Variants in TRAPPC8 observed in about 807,000 individuals in gnomAD.
The protein encoded by TRAPPC8 is general sporulation gene 1 homolog.
TRAPPC8 carries 54 observed loss-of-function variants against 174.3 expected under a neutral mutation model. That is an observed-to-expected ratio of 0.31 (90% CI 0.25 to 0.39). The LOEUF is 0.39. Ranked by LOEUF, TRAPPC8 falls within the 10% of genes least tolerant of loss-of-function variation. TRAPPC8 has a pLI of 1.00. For missense variants in TRAPPC8, 1,531 were observed against 1,699.1 expected (o/e 0.90, Z 1.74); for synonymous variants, 630 against 579.9 (o/e 1.09, Z -1.24).
chr18:31,867,507 C>G lies in TRAPPC8; in HGVS notation c.2389-31G>C, dbSNP rs377625889. ...AAATAAATTTCATAAATTATACATT[C>G]CAATGAACAAAGTATCAGATTATTA... is the stretch of plus-strand genomic sequence containing the variant. On this transcript the variant is annotated intron_variant, in intron 16 of 28. Transcript: ENST00000283351. 10 of 1,382,422 alleles carry G rather than the reference C, an allele frequency of 7.2e-6. No individual in the cohort carries two copies. In the African/African-American group the frequency reaches 1.3e-4, roughly 18 times the overall value. 85.6% of individuals were successfully genotyped at this position (1,382,422 alleles called of 1,614,324 possible). A position where few individuals can be genotyped will look rare whatever the true frequency, so the allele number is the denominator to read the frequency against.
At position 31,829,781 on chromosome 18, in the gene TRAPPC8, CCTT is replaced by C. The variant is rs2032251694; in HGVS notation, c.*971_*973del. ...CCCACTCCTACACCCTGTCTTCCCT[CCTT>C]CTCCAATGACAAGAGATATTCATTG... On this transcript the variant is annotated 3_prime_UTR_variant, in exon 29 of 29. Transcript: ENST00000283351. 2 of 152,506 alleles carry C rather than the reference CCTT, an allele frequency of 1.3e-5. No homozygotes were observed. Among genetic ancestry groups the C allele is most frequent in the South Asian group, 2.1e-4 (1 of 4,826 alleles). The allele number at this position is 152,506 out of a possible 1,614,324, so 9.4% of individuals were successfully genotyped here.
rs761573967 is a variant in TRAPPC8, at chr18:31,841,536, TA to T, written c.3838-2080del. On this transcript the variant is annotated intron_variant, in intron 26 of 28. Coordinates refer to ENST00000283351, the MANE Select transcript of TRAPPC8 (RefSeq NM_014939.5). ...AAGAGGAAAATTAATTCAGAAACGT[TA>T]AAAAAAAACTGAAGATCTTTTTTAA... Among the ~76,000 whole-genome samples the T allele has an allele frequency of 2.2e-4, 33 of 151,352 alleles. 1 individual carries two copies. The highest frequency in any genetic ancestry group is 1.0e-3 in the South Asian group (5 of 4,796).
At position 31,831,008 on chromosome 18, in the gene TRAPPC8, G is replaced by A. The variant is rs1568022766; in HGVS notation, c.4074-19C>T. ...TTCTGGACTAAGGGAGGAGGAAAAT[G>A]TAAGTTGCAGGATTTTTTTCTTTTT... On this transcript the variant is annotated intron_variant, in intron 28 of 28. Coordinates refer to ENST00000283351, the MANE Select transcript of TRAPPC8 (RefSeq NM_014939.5). 6 of 1,578,504 alleles carry A rather than the reference G, an allele frequency of 3.8e-6. No homozygotes were observed. The highest frequency in any genetic ancestry group is 5.2e-6 in the Non-Finnish European group (6 of 1,159,288).
intron 9 of TRAPPC8, among the ~76,000 whole-genome samples, chr18:31,905,403 G>A (rs1034707465): frequency 1.3e-5 from 2 of 152,186 alleles, no homozygotes; most frequent in Non-Finnish European, 2.9e-5. Flanking sequence ...CATATGGACT[G>A]TGTCTCCAGA....
chr18:31,911,756 CAAA>C (rs71177805), intron 5 of TRAPPC8, among the ~76,000 whole-genome samples: 128 of 62,946 alleles, frequency 2.0e-3, no homozygotes, highest in African/African-American at 9.6e-3. Context: ...GACTCCGTCT[CAAA>C]AAAAAAAAAA....
At chr18:31,877,471 G>T (rs1460491763) in intron 12 of TRAPPC8, among the ~76,000 whole-genome samples, 1 of 151,952 alleles carries the variant, frequency 6.6e-6, no homozygotes, top group Admixed American at 6.6e-5. Context: ...CATTACCGGG[G>T]TGAGGTGGCG....
chr18:31,896,005 G>A (rs1485328454), intron 11 of TRAPPC8: 1 of 152,172 alleles, frequency 6.6e-6, no homozygotes, highest in Non-Finnish European at 1.5e-5. Flanking sequence ...TAGGCAACAA[G>A]AATAAAAACA....
rs376573031 is a variant in TRAPPC8, at chr18:31,864,610, T to C, written c.2745+17A>G. 3 of 1,603,548 alleles carry C rather than the reference T, an allele frequency of 1.9e-6. No individual in the cohort carries two copies. The highest frequency in any genetic ancestry group is 2.5e-6 in the Non-Finnish European group (3 of 1,177,316). On this transcript the variant is annotated intron_variant, in intron 19 of 28. Coordinates refer to ENST00000283351, the MANE Select transcript of TRAPPC8 (RefSeq NM_014939.5). ...TATAGATAAATTAAGTCCATGAAATTTTAAAAAGTGAAATACCTCCAACAG... is the reference window on the plus strand; with the variant it reads ...TATAGATAAATTAAGTCCATGAAATCTTAAAAAGTGAAATACCTCCAACAG...
At chr18:31,852,959 C>T (rs959991580) in intron 22 of TRAPPC8, 8 of 305,362 alleles carry the variant, frequency 2.6e-5, no homozygotes, top group Non-Finnish European at 4.3e-5. Context: ...ACTGGAAAGC[C>T]CATAATCCTG....
chr18:31,854,223 C>T (rs547093279), intron 21 of TRAPPC8, among the ~76,000 whole-genome samples: 1 of 152,104 alleles, frequency 6.6e-6, no homozygotes, highest in East Asian at 1.9e-4. Flanking sequence ...TCACAATGAG[C>T]TATTGGTAGT....
Position 31,829,563 on chromosome 18 carries a change from A to G in TRAPPC8, c.*1192T>C, listed in dbSNP as rs1473058292. 1 of 152,306 alleles carries G rather than the reference A, an allele frequency of 6.6e-6. No homozygotes were observed. The highest frequency in any genetic ancestry group is 1.9e-4 in the East Asian group (1 of 5,206). 9.4% of individuals were successfully genotyped at this position (152,306 alleles called of 1,614,324 possible). On this transcript the variant is annotated 3_prime_UTR_variant, in exon 29 of 29. Transcript: ENST00000283351. Reference sequence around the variant, plus strand: ...ACACAGACTAGCCACCCATCTCTCAAGAAGAGTTGTTCCAAGTACAGGTTT... The same window carrying G: ...ACACAGACTAGCCACCCATCTCTCAGGAAGAGTTGTTCCAAGTACAGGTTT...
chr18:31,853,424 C>T lies in TRAPPC8; in HGVS notation c.3433+425G>A, dbSNP rs184138314. 6.6e-4 allele frequency among the ~76,000 whole-genome samples: 100 copies of T among 152,248 alleles called. 1 individual carries two copies. Among genetic ancestry groups the T allele is most frequent in the African/African-American group, 2.1e-3 (87 of 41,562 alleles). The stretch of plus-strand genomic sequence containing the variant: ...CTGGGATTACAGGCGCCTGCCACCA[C>T]GCCCAGCTAATTTTTGTAGTTTTAG... On this transcript the variant is annotated intron_variant, in intron 22 of 28. Coordinates refer to ENST00000283351, the MANE Select transcript of TRAPPC8 (RefSeq NM_014939.5).
chr18:31,880,114 TA>T lies in TRAPPC8; in HGVS notation c.1729-5411del, dbSNP rs1568082935. On this transcript the variant is annotated intron_variant, in intron 12 of 28. Transcript: ENST00000283351. ...AAATATATATATATATATATATATA[TA>T]TATATATTTTTTTTTTTTTAAGGAA... Among the ~76,000 whole-genome samples, 10 of 84,042 alleles carry T rather than the reference TA, an allele frequency of 1.2e-4. No individual in the cohort carries two copies. In the East Asian group the frequency reaches 2.2e-3, roughly 18 times the overall value. The allele number at this position is 84,042 out of a possible 152,430, so 55.1% of individuals were successfully genotyped here.
At position 31,890,926 on chromosome 18, in the gene TRAPPC8, C is replaced by T. The variant is rs1009721387; in HGVS notation, c.1597-60G>A. 8.7e-6 allele frequency: 13 copies of T among 1,496,828 alleles called. No homozygotes were observed. The South Asian group carries it at 1.5e-4, about 18-fold the overall frequency. The allele number at this position is 1,496,828 out of a possible 1,614,324, so 92.7% of individuals were successfully genotyped here. On this transcript the variant is annotated intron_variant, in intron 11 of 28. Transcript: ENST00000283351. The stretch of plus-strand genomic sequence containing the variant: ...CACCAAGTTAAAAGTAAATAGATAA[C>T]TAGTGAAAAAAACATTTAATTTCTT...
At chr18:31,836,760 T>TC (rs1035376020) in intron 27 of TRAPPC8, among the ~76,000 whole-genome samples, 16 of 21,886 alleles carry the variant, frequency 7.3e-4, no homozygotes, top group Non-Finnish European at 9.1e-4. Flanking sequence ...CTTTCAGTCT[T>TC]TTTTTTTTTT....
chr18:31,899,330 T>C (rs183534742), intron 10 of TRAPPC8, among the ~76,000 whole-genome samples: 159 of 152,350 alleles, frequency 1.0e-3, no homozygotes, highest in African/African-American at 3.7e-3. Flanking sequence ...AGAGGTTTGT[T>C]ATTAAGACTA....
At chr18:31,854,404 A>T (rs1474517483) in intron 21 of TRAPPC8, among the ~76,000 whole-genome samples, 2 of 152,130 alleles carry the variant, frequency 1.3e-5, no homozygotes, top group African/African-American at 4.8e-5. Flanking sequence ...AGTAGCATGT[A>T]TTTTTTTAAT....
chr18:31,899,469 C>T (rs756000936), intron 10 of TRAPPC8, among the ~76,000 whole-genome samples: 2 of 152,158 alleles, frequency 1.3e-5, no homozygotes, highest in African/African-American at 2.4e-5. Flanking sequence ...TTTACTTCAA[C>T]ATTATAGGGG....
Position 31,861,293 on chromosome 18 carries a change from C to T in TRAPPC8, c.2746-3311G>A, listed in dbSNP as rs561232153. Among the ~76,000 whole-genome samples the T allele has an allele frequency of 2.6e-5, 4 of 152,240 alleles. No homozygotes were observed. The South Asian group carries it at 8.3e-4, about 32-fold the overall frequency. On this transcript the variant is annotated intron_variant, in intron 19 of 28. Coordinates refer to ENST00000283351, the MANE Select transcript of TRAPPC8 (RefSeq NM_014939.5). Reference sequence around the variant, plus strand: ...ATAAGAGGCCCTCTGCTCTAAAATACCCTCTTCAAGAACTGCCTCTATAAC... The same window carrying T: ...ATAAGAGGCCCTCTGCTCTAAAATATCCTCTTCAAGAACTGCCTCTATAAC...
Sources: gnomAD v4.1 joint callset for allele counts (sites outside exome capture counted in the v4.1 genomes callset) on GRCh38, gnomAD v4.1.1 for gene constraint, MANE v1.5 for transcripts, NCBI Gene and HGNC (gene_info 2026-07-23, HGNC 2026-07-21) for gene names.